PACSIN3: variants seen among roughly 807,000 people sequenced by gnomAD.
The protein encoded by PACSIN3 is protein kinase C and casein kinase substrate in neurons protein 3.
Under a neutral mutation model 56.1 loss-of-function variants are expected in PACSIN3, and 34 were observed. The observed-to-expected ratio is 0.61, with a 90% CI of 0.46 to 0.81. The LOEUF (loss-of-function observed/expected upper bound fraction) is 0.81, where lower values mean the gene tolerates loss of function less well. Among genes scored for constraint, PACSIN3 ranks in the 30% least tolerant of loss-of-function variants. The pLI is 0.00. For missense variants in PACSIN3, 535 were observed against 592.4 expected, an observed-to-expected ratio of 0.90 and a Z score of 1.01; for synonymous variants, 218 against 229.8, an observed-to-expected ratio of 0.95 and a Z score of 0.46.
Position 47,182,551 on chromosome 11 carries a change from G to T in PACSIN3, c.63C>A (p.Asn21Lys), listed in dbSNP as rs766449112. 10 of 1,610,708 alleles carry T rather than the reference G, an allele frequency of 6.2e-6. No individual in the cohort carries two copies. The East Asian group carries it at 2.2e-4, about 36-fold the overall frequency. Residue 21 changes from asparagine (N) to lysine (K), a missense_variant, in exon 4 of 11, where the codon AAC becomes AAA. By Grantham distance (94) the Asn-to-Lys change is moderately conservative. Transcript: ENST00000298838. ...CCACCCGCTGTACCGTGCGCCTGTA[G>T]TTGCCAGCCTGGGCATACAGGAAAA... ...ALGGSFWEAG[N>K]YRRTVQRVED... is the part of the protein sequence containing the mutation.
intron 4 of PACSIN3, among the ~76,000 whole-genome samples, 194 bp downstream of exon 4, chr11:47,182,209 C>T (rs909097886): frequency 3.9e-5 from 6 of 151,902 alleles, no homozygotes; most frequent in African/African-American, 1.2e-4. Flanking sequence ...GTTGTTGCAA[C>T]TATCAAAGTA....
chr11:47,186,034 C>T lies in PACSIN3; in HGVS notation c.-104+315G>A, dbSNP rs1953114460. Among the ~76,000 whole-genome samples the T allele has an allele frequency of 6.6e-6, 1 of 152,096 alleles. No individual in the cohort carries two copies. The highest frequency in any genetic ancestry group is 1.5e-5 in the Non-Finnish European group (1 of 67,978). On this transcript the variant is annotated intron_variant, in intron 1 of 10. Transcript: ENST00000298838. This position sits in a 1 kb window ranked among gnomAD's most constrained non-coding sequence, Gnocchi z 4.5. ...GAGGGATCGCCAGGGAGCGAGGACC[C>T]TCTGGGGCCTCGGGGCGGGCGCGAG...
At position 47,179,144 on chromosome 11, in the gene PACSIN3, G is replaced by T. The variant is rs577968779; in HGVS notation, c.900+15C>A. On this transcript the variant is annotated intron_variant, in intron 8 of 10. Transcript: ENST00000298838. This position sits in a 1 kb window ranked among gnomAD's most constrained non-coding sequence, Gnocchi z 4.4. ...CCATCCCACCTCCCATCCCCACCCC[G>T]CCTGGAACACATGCCTCGAACTGTG... The T allele has an allele frequency of 1.2e-6, 2 of 1,613,230 alleles. No homozygotes were observed. The highest frequency in any genetic ancestry group is 1.7e-6 in the Non-Finnish European group (2 of 1,179,820).
chr11:47,177,864 G>T lies in PACSIN3; in HGVS notation c.*67C>A. On this transcript the variant is annotated 3_prime_UTR_variant, in exon 11 of 11. Coordinates refer to ENST00000298838, the MANE Select transcript of PACSIN3 (RefSeq NM_016223.5). ...CGACGGTTCAGGGCCCTGAGGGTCC[G>T]GCTCTCCAGGAGAAGCTGGGCTCTG... 4 of 1,261,730 alleles carry T rather than the reference G, an allele frequency of 3.2e-6. No individual in the cohort carries two copies. The highest frequency in any genetic ancestry group is 4.6e-6 in the Non-Finnish European group (4 of 861,580). 78.2% of individuals were successfully genotyped at this position (1,261,730 alleles called of 1,614,324 possible).
Position 47,183,022 on chromosome 11 carries a change from T to C in PACSIN3, c.-56A>G, listed in dbSNP as rs1471939153. 3 of 337,784 alleles carry C rather than the reference T, an allele frequency of 8.9e-6. No individual in the cohort carries two copies. Among genetic ancestry groups the C allele is most frequent in the Non-Finnish European group, 1.6e-5 (3 of 190,568 alleles). 20.9% of individuals were successfully genotyped at this position (337,784 alleles called of 1,614,324 possible). ...CACATACCTGGGGCCTAGAGATCAC[T>C]TCAAGGACCCGGGTGTCCAACTCTC... On this transcript the variant is annotated 5_prime_UTR_variant, in exon 2 of 11. Transcript: ENST00000298838.
At position 47,182,432 on chromosome 11, in the gene PACSIN3, G is replaced by A. The variant is rs7106654; in HGVS notation, c.182C>T (p.Ala61Val). The change falls in exon 4 of 11, where the codon GCC (alanine) becomes GTC (valine). Residue 61 changes from alanine to valine, a missense_variant. Ala to Val is a moderately conservative substitution (Grantham distance 64). Transcript: ENST00000298838. ...CTCCACGGTCCCCCTCCACTTTCGG[G>A]CCCAGTCAGCCAACTGCTGGGCATA... ...KAYAQQLADW[A>V]RKWRGTVEKG... 27,158 of 1,600,560 alleles carry A rather than the reference G, an allele frequency of 0.017. 3,868 individuals carry two copies. In the African/African-American group the frequency reaches 0.31, roughly 19 times the overall value.
In PACSIN3 at chr11:47,178,385, A is replaced by T; in HGVS notation, c.1140T>A (p.Asp380Glu). The change falls in exon 10 of 11, where the codon GAT becomes GAA. Residue 380 changes from aspartate (D) to glutamate (E), a missense_variant. Transcript: ENST00000298838. This position sits in a 1 kb window ranked among gnomAD's most constrained non-coding sequence, Gnocchi z 4.2. ...GGGTACCTGCTCGGAAGCTCAGCTC[A>T]TCAGCTTCCTGGCCAGCGTAGTCAT... is the stretch of plus-strand genomic sequence containing the variant. The part of the protein sequence containing the change: ...ALYDYAGQEA[D>E]ELSFRAGEEL... 1.9e-6 allele frequency: 3 copies of T among 1,613,646 alleles called. No homozygotes were observed. The highest frequency in any genetic ancestry group is 2.5e-6 in the Non-Finnish European group (3 of 1,179,630).
rs745589644 is a variant in PACSIN3, at chr11:47,182,506, G to A, written c.108C>T (p.Cys36=). 20 of 1,612,100 alleles carry A rather than the reference G, an allele frequency of 1.2e-5. No homozygotes were observed. The highest frequency in any genetic ancestry group is 2.2e-5 in the East Asian group (1 of 44,880). Residue 36 remains cysteine (C), a synonymous_variant, in exon 4 of 11, where the codon TGC becomes TGT. Transcript: ENST00000298838. Reference sequence around the variant, plus strand: ...CCTGGAAGCAGCTGACCAGGTCCCCGCACAGCCGGTGCCCGTCCTCCACCC... The same window carrying A: ...CCTGGAAGCAGCTGACCAGGTCCCCACACAGCCGGTGCCCGTCCTCCACCC... The part of the protein sequence containing the change: ...VQRVEDGHRL[C]GDLVSCFQER...
intron 1 of PACSIN3, chr11:47,185,541 G>C (rs1953104754): frequency 6.5e-6 from 1 of 153,398 alleles, no homozygotes; most frequent in Admixed American, 6.5e-5. Flanking sequence ...GCCAGAGCCA[G>C]CCAGGAGATC....
Position 47,177,865 on chromosome 11 carries a change from G to C in PACSIN3, c.*66C>G. 1 of 1,273,880 alleles carries C rather than the reference G, an allele frequency of 7.9e-7. No individual in the cohort carries two copies. The highest frequency in any genetic ancestry group is 1.1e-6 in the Non-Finnish European group (1 of 872,506). 78.9% of individuals were successfully genotyped at this position (1,273,880 alleles called of 1,614,324 possible). ...GACGGTTCAGGGCCCTGAGGGTCCG[G>C]CTCTCCAGGAGAAGCTGGGCTCTGA... On this transcript the variant is annotated 3_prime_UTR_variant, in exon 11 of 11. Coordinates refer to ENST00000298838, the MANE Select transcript of PACSIN3 (RefSeq NM_016223.5).
chr11:47,180,870 G>C (rs1953010039), intron 4 of PACSIN3, among the ~76,000 whole-genome samples, 180 bp from the exon 5 acceptor site: 2 of 152,240 alleles, frequency 1.3e-5, no homozygotes, highest in African/African-American at 4.8e-5. Flanking sequence ...CTGACTCCTT[G>C]TCTCAGCCAC....
chr11:47,183,913 T>C (rs531458741), intron 1 of PACSIN3, among the ~76,000 whole-genome samples: 1 of 152,098 alleles, frequency 6.6e-6, no homozygotes, highest in African/African-American at 2.4e-5. Flanking sequence ...TCCCAGCTAC[T>C]TAGGAGGCTG....
intron 4 of PACSIN3, 95 bp from the exon 5 acceptor site, chr11:47,180,785 C>T (rs944478504): frequency 8.4e-6 from 8 of 950,634 alleles, no homozygotes; most frequent in African/African-American, 3.3e-5. Flanking sequence ...GCATGGGGTA[C>T]GCGCATGGGG....
chr11:47,179,296 A>AC lies in PACSIN3; in HGVS notation c.780-18dup, dbSNP rs1952966963. On this transcript the variant is annotated splice_polypyrimidine_tract_variant and intron_variant, in intron 7 of 10. Transcript: ENST00000298838. This position sits in a 1 kb window ranked among gnomAD's most constrained non-coding sequence, Gnocchi z 4.4. ...TCATGGAACCTATGACCCAAGGCAC[A>AC]CCCCTCAGTCTAGGAAGTCTAGACC... The AC allele has an allele frequency of 6.2e-7, 1 of 1,613,626 alleles. No homozygotes were observed. Among genetic ancestry groups the AC allele is most frequent in the Admixed American group, 1.7e-5 (1 of 59,980 alleles).
chr11:47,186,051 G>T lies in PACSIN3; in HGVS notation c.-104+298C>A, dbSNP rs1191735229. Among the ~76,000 whole-genome samples the T allele has an allele frequency of 6.6e-6, 1 of 152,054 alleles. No individual in the cohort carries two copies. Among genetic ancestry groups the T allele is most frequent in the Admixed American group, 6.5e-5 (1 of 15,278 alleles). On this transcript the variant is annotated intron_variant, in intron 1 of 10. Transcript: ENST00000298838. This position sits in a 1 kb window ranked among gnomAD's most constrained non-coding sequence, Gnocchi z 4.5. ...CGAGGACCCTCTGGGGCCTCGGGGC[G>T]GGCGCGAGGCGAGCGGACGGGGGCC...
Position 47,178,125 on chromosome 11 carries a change from G to T in PACSIN3, c.1160-79C>A. 1 of 1,336,704 alleles carries T rather than the reference G, an allele frequency of 7.5e-7. No individual in the cohort carries two copies. Among genetic ancestry groups the T allele is most frequent in the Non-Finnish European group, 1.1e-6 (1 of 950,604 alleles). The allele number at this position is 1,336,704 out of a possible 1,614,324, so 82.8% of individuals were successfully genotyped here. A position where few individuals can be genotyped will look rare whatever the true frequency, so the allele number is the denominator to read the frequency against. On this transcript the variant is annotated intron_variant, in intron 10 of 10. Transcript: ENST00000298838. The surrounding 1 kb of genome is among the most constrained non-coding windows in gnomAD (Gnocchi z 4.2). ...TGCAACTGGGTCAAGGACTGAGGGG[G>T]ATGGTGTGGTCCCAGAGCCCAGCTA...
chr11:47,178,784 C>T lies in PACSIN3; in HGVS notation c.1037+110G>A. 1.5e-6 allele frequency: 2 copies of T among 1,306,430 alleles called. No individual in the cohort carries two copies. Among genetic ancestry groups the T allele is most frequent in the Non-Finnish European group, 2.1e-6 (2 of 944,880 alleles). The allele number at this position is 1,306,430 out of a possible 1,614,324, so 80.9% of individuals were successfully genotyped here. The stretch of plus-strand genomic sequence containing the variant: ...ACTAAGTAGGCCCTCAGGTCCCTGG[C>T]ACCAATTTTCAACCCATTTCAGGTG... On this transcript the variant is annotated intron_variant, in intron 9 of 10. Coordinates refer to ENST00000298838, the MANE Select transcript of PACSIN3 (RefSeq NM_016223.5). The surrounding 1 kb of genome is among the most constrained non-coding windows in gnomAD (Gnocchi z 4.2).
In PACSIN3 at chr11:47,178,107, G is replaced by A; in HGVS notation, c.1160-61C>T. 1 of 1,447,340 alleles carries A rather than the reference G, an allele frequency of 6.9e-7. No individual in the cohort carries two copies. The highest frequency in any genetic ancestry group is 9.6e-7 in the Non-Finnish European group (1 of 1,040,612). 89.7% of individuals were successfully genotyped at this position (1,447,340 alleles called of 1,614,324 possible). ...TGGCCCAGGCCCTGTTCCTGCAACT[G>A]GGTCAAGGACTGAGGGGGATGGTGT... On this transcript the variant is annotated intron_variant, in intron 10 of 10. Transcript: ENST00000298838. This position sits in a 1 kb window ranked among gnomAD's most constrained non-coding sequence, Gnocchi z 4.2.
At position 47,186,102 on chromosome 11, in the gene PACSIN3, A is replaced by C. The variant is rs1953115617; in HGVS notation, c.-104+247T>G. ...CTCGAGGGGCCCCTGAAGACGGCTC[A>C]GCCCTCCAGCGCCGGCGCCGCCTCC... On this transcript the variant is annotated intron_variant, in intron 1 of 10. Transcript: ENST00000298838. This position sits in a 1 kb window ranked among gnomAD's most constrained non-coding sequence, Gnocchi z 4.5. Among the ~76,000 whole-genome samples, 1 of 152,034 alleles carries C rather than the reference A, an allele frequency of 6.6e-6. No individual in the cohort carries two copies. Among genetic ancestry groups the C allele is most frequent in the African/African-American group, 2.4e-5 (1 of 41,512 alleles).
Sources: gnomAD v4.1 joint callset for allele counts (sites outside exome capture counted in the v4.1 genomes callset) on GRCh38, gnomAD v4.1.1 for gene constraint, Gnocchi (gnomAD v3.1) non-coding constraint, MANE v1.5 for transcripts, NCBI Gene and HGNC (gene_info 2026-07-23, HGNC 2026-07-21) for gene names.